Variants in ADGRL3 observed in about 807,000 individuals in gnomAD.
ADGRL3 encodes the protein calcium-independent alpha-latrotoxin receptor 3.
ADGRL3 carries 62 observed loss-of-function variants against 153.5 expected under a neutral mutation model. That is an observed-to-expected ratio of 0.40 (90% confidence interval 0.33 to 0.50). The LOEUF (loss-of-function observed/expected upper bound fraction) is 0.50. Among genes scored for constraint, ADGRL3 ranks in the 20% least tolerant of loss-of-function variants. The pLI is 0.47. For synonymous variants in ADGRL3, 710 were observed against 672.5 expected (o/e 1.06, Z -0.86); for missense variants, 1,641 against 1,859.4 (o/e 0.88, Z 2.16).
intron 4 of ADGRL3, among the ~76,000 whole-genome samples, chr4:61,575,695 A>T (rs1162451661): frequency 1.3e-5 from 2 of 152,052 alleles, no homozygotes; most frequent in South Asian, 4.1e-4. Context: ...AAGGGTTGAT[A>T]TTTATCAGTC....
Position 62,065,272 on chromosome 4 carries a change from A to G in ADGRL3, c.3815-2894A>G, listed in dbSNP as rs540664915. On this transcript the variant is annotated intron_variant, in intron 25 of 26. Transcript: ENST00000683033. ...TCTTCCATTTCTGTAATGAATCAGA[A>G]CCATCAATATGAGACAGTATCTGGG... is the stretch of plus-strand genomic sequence containing the variant. 1.8e-3 allele frequency among the ~76,000 whole-genome samples: 277 copies of G among 152,134 alleles called. 2 individuals are homozygous for G. The highest frequency in any genetic ancestry group is 6.4e-3 in the African/African-American group (268 of 41,552).
chr4:61,475,610 T>C (rs1466217798), intron 2 of ADGRL3, among the ~76,000 whole-genome samples: 2 of 110,602 alleles, frequency 1.8e-5, no homozygotes, highest in Admixed American at 1.8e-4. Flanking sequence ...TTAATATTCA[T>C]AAAATATATC....
intron 9 of ADGRL3, among the ~76,000 whole-genome samples, chr4:61,844,311 G>T (rs1213346760): frequency 1.3e-5 from 2 of 151,224 alleles, no homozygotes; most frequent in East Asian, 3.9e-4. Context: ...ACTTTGGGAG[G>T]CTGAGGTGGG....
intron 21 of ADGRL3, among the ~76,000 whole-genome samples, chr4:62,000,991 C>T (rs1466420085): frequency 6.6e-6 from 1 of 151,872 alleles, no homozygotes; most frequent in Non-Finnish European, 1.5e-5. Flanking sequence ...ACTATGTTAC[C>T]CAGGCTGGTC....
At chr4:61,868,978 A>G (rs574009454) in intron 9 of ADGRL3, among the ~76,000 whole-genome samples, 4 of 152,236 alleles carry the variant, frequency 2.6e-5, no homozygotes, top group East Asian at 1.9e-4. Flanking sequence ...CCACCAGGCT[A>G]GAGTATAGCA....
At chr4:61,673,216 G>A (rs1262470317) in intron 5 of ADGRL3, among the ~76,000 whole-genome samples, 1 of 151,782 alleles carries the variant, frequency 6.6e-6, no homozygotes, top group Admixed American at 6.6e-5. Flanking sequence ...ATCAAAGGGG[G>A]CAAAGTTTCA....
intron 8 of ADGRL3, among the ~76,000 whole-genome samples, chr4:61,788,829 A>G (rs1400265749): frequency 6.6e-6 from 1 of 152,170 alleles, no homozygotes; most frequent in East Asian, 1.9e-4. Context: ...CAATTAAGGA[A>G]ACTAATTAGT....
intron 9 of ADGRL3, among the ~76,000 whole-genome samples, chr4:61,844,575 A>AT (rs71213013): frequency 3.3e-4 from 6 of 18,108 alleles, no homozygotes; most frequent in Admixed American, 1.4e-3. Context: ...AAAAAAAAAA[A>AT]ATATATATAT....
intron 8 of ADGRL3, among the ~76,000 whole-genome samples, chr4:61,787,009 A>G (rs1403259843): frequency 1.3e-5 from 2 of 152,198 alleles, no homozygotes; most frequent in African/African-American, 4.8e-5. Flanking sequence ...TACACAAAAG[A>G]TAAAGAAAAA....
At chr4:61,235,441 G>T (rs1232907656) in intron 1 of ADGRL3, among the ~76,000 whole-genome samples, 2 of 152,164 alleles carry the variant, frequency 1.3e-5, no homozygotes, top group Non-Finnish European at 2.9e-5. Context: ...AGTTCAGAAT[G>T]ATACTGTAGT....
At chr4:61,589,291 C>A (rs2098959518) in intron 5 of ADGRL3, among the ~76,000 whole-genome samples, 1 of 151,988 alleles carries the variant, frequency 6.6e-6, no homozygotes, top group Non-Finnish European at 1.5e-5. Context: ...GTTAAATGTA[C>A]TAGATTTAGA....
chr4:61,883,891 G>A (rs1027659487), intron 9 of ADGRL3, among the ~76,000 whole-genome samples: 1 of 151,826 alleles, frequency 6.6e-6, no homozygotes, highest in Non-Finnish European at 1.5e-5. Context: ...CCAGCACAAT[G>A]TGTAATGCAA....
chr4:61,237,709 G>T (rs2149278238), intron 1 of ADGRL3, among the ~76,000 whole-genome samples: 1 of 152,286 alleles, frequency 6.6e-6, no homozygotes, highest in East Asian at 1.9e-4. Flanking sequence ...ATTATCTCAT[G>T]AAGTTTTGCA....
chr4:61,423,310 T>C (rs1286672909), intron 2 of ADGRL3, among the ~76,000 whole-genome samples: 1 of 152,140 alleles, frequency 6.6e-6, no homozygotes, highest in Admixed American at 6.5e-5. Context: ...TTTGGATACA[T>C]AGAGAAGGAA....
At chr4:61,826,178 A>G (rs764374358) in intron 9 of ADGRL3, among the ~76,000 whole-genome samples, 32 of 152,176 alleles carry the variant, frequency 2.1e-4, no homozygotes, top group Non-Finnish European at 3.8e-4. Context: ...TATTATAGCC[A>G]TAAAAGACAT....
intron 3 of ADGRL3, among the ~76,000 whole-genome samples, chr4:61,510,603 T>A (rs1157694131): frequency 1.3e-5 from 2 of 152,178 alleles, no homozygotes; most frequent in African/African-American, 4.8e-5. Flanking sequence ...TTCTCTATTC[T>A]GTTCTATTGT....
intron 2 of ADGRL3, among the ~76,000 whole-genome samples, chr4:61,408,510 A>C (rs1427918502): frequency 6.6e-6 from 1 of 151,380 alleles, no homozygotes; most frequent in Admixed American, 6.6e-5. Flanking sequence ...ATGAGAATAG[A>C]TTTCCTTAAG....
chr4:61,623,211 C>A (rs191755335), intron 5 of ADGRL3, among the ~76,000 whole-genome samples: 21 of 152,036 alleles, frequency 1.4e-4, no homozygotes, highest in Non-Finnish European at 1.0e-4. Context: ...TTAGTCTTTG[C>A]CACATCTTCT....
intron 5 of ADGRL3, among the ~76,000 whole-genome samples, chr4:61,641,988 G>A (rs1451110576): frequency 2.0e-5 from 3 of 150,900 alleles, no homozygotes; most frequent in Admixed American, 2.0e-4. Context: ...TCTAGCTGGT[G>A]TGAGATGGTA....
Sources: gnomAD v4.1 joint callset for allele counts (sites outside exome capture counted in the v4.1 genomes callset) on GRCh38, gnomAD v4.1.1 for gene constraint, MANE v1.5 for transcripts, NCBI Gene and HGNC (gene_info 2026-07-23, HGNC 2026-07-21) for gene names.